Variants in ARID3B observed in about 807,000 individuals in gnomAD.
ARID3B encodes AT-rich interaction domain 3B, also known as AT-rich interactive domain-containing protein 3B.
In ARID3B, 10 loss-of-function variants were observed where a neutral mutation model predicts 51.9. The ratio of observed to expected loss-of-function variants is 0.19; its 90% CI spans 0.12 to 0.33. The LOEUF is 0.33. ARID3B is among the 10% of genes least tolerant of loss of function. The pLI is 1.00. For synonymous variants in ARID3B, 205 were observed against 279.5 expected (o/e 0.73, Z 2.66); for missense variants, 483 against 716.3 (o/e 0.67, Z 3.72).
chr15:74,556,290 G>A (rs367994772), intron 2 of ARID3B, among the ~76,000 whole-genome samples: 9 of 152,306 alleles, frequency 5.9e-5, no homozygotes, highest in African/African-American at 2.2e-4. Context: ...GGAACAGCTA[G>A]GGTGGTTGGT....
intron 2 of ARID3B, among the ~76,000 whole-genome samples, chr15:74,560,957 T>C (rs1254034232): frequency 6.6e-6 from 1 of 152,204 alleles, no homozygotes; most frequent in Non-Finnish European, 1.5e-5. Flanking sequence ...TTGTCAACAT[T>C]GGTTATTATC....
At chr15:74,562,324 A>G (rs183224817) in intron 2 of ARID3B, among the ~76,000 whole-genome samples, 2 of 152,170 alleles carry the variant, frequency 1.3e-5, no homozygotes, top group Admixed American at 1.3e-4. Context: ...TATTTTTAGT[A>G]GAGACTGGGT....
At chr15:74,552,529 G>T (rs1313330575) in intron 2 of ARID3B, among the ~76,000 whole-genome samples, 1 of 151,120 alleles carries the variant, frequency 6.6e-6, no homozygotes, top group Admixed American at 6.6e-5. Flanking sequence ...GTAATGACAT[G>T]TATCCGCCAT....
At chr15:74,548,224 G>A (rs1357910007) in intron 2 of ARID3B, among the ~76,000 whole-genome samples, 1 of 152,164 alleles carries the variant, frequency 6.6e-6, no homozygotes, top group Admixed American at 6.5e-5. Flanking sequence ...GGCCTTTTGG[G>A]GGTGGTGTTC....
chr15:74,544,365 A>T lies in ARID3B; in HGVS notation c.429A>T (p.Ala143=), dbSNP rs1397981332. ...RVAPMSNLLP[A]PGLPPHGQQA... ...CACCCATGTCCAATCTACTTCCAGC[A>T]CCAGGGCTCCCACCACATGGACAAC... The change falls in exon 2 of 9, where the codon GCA becomes GCT. Residue 143 remains alanine, a synonymous_variant. Transcript: ENST00000346246. The T allele has an allele frequency of 2.6e-5, 42 of 1,612,980 alleles. No individual in the cohort carries two copies. The highest frequency in any genetic ancestry group is 3.4e-5 in the Non-Finnish European group (40 of 1,179,436).
intron 4 of ARID3B, among the ~76,000 whole-genome samples, chr15:74,581,502 G>A (rs756211031): frequency 2.0e-5 from 3 of 152,096 alleles, no homozygotes; most frequent in Non-Finnish European, 4.4e-5. Context: ...AGGCTTTGGG[G>A]CTTCATTTTC....
intron 2 of ARID3B, among the ~76,000 whole-genome samples, chr15:74,554,155 T>C (rs537198889): frequency 2.8e-4 from 43 of 151,184 alleles, no homozygotes; most frequent in Non-Finnish European, 4.3e-4. Context: ...TACAGGCGCC[T>C]GCCACAACGC....
intron 1 of ARID3B, among the ~76,000 whole-genome samples, chr15:74,542,054 C>T (rs1245345339): frequency 6.6e-6 from 1 of 152,108 alleles, no homozygotes; most frequent in Non-Finnish European, 1.5e-5. Flanking sequence ...GGGACACCTC[C>T]CCCTCTGCTG....
intron 2 of ARID3B, among the ~76,000 whole-genome samples, chr15:74,553,505 A>G (rs1446673730): frequency 2.0e-5 from 3 of 152,202 alleles, no homozygotes; most frequent in African/African-American, 7.2e-5. Flanking sequence ...TTATAATTTC[A>G]GTTTTAATTG....
intron 2 of ARID3B, among the ~76,000 whole-genome samples, chr15:74,563,660 A>G (rs902354726): frequency 6.6e-6 from 1 of 152,092 alleles, no homozygotes; most frequent in African/African-American, 2.4e-5. Flanking sequence ...GTCAGCAACC[A>G]TTGTGGAAGT....
chr15:74,591,581 C>T lies in ARID3B; in HGVS notation c.1187C>T (p.Thr396Ile). ...GCAGGTGATGGAGCCCCAGTGACAA[C>T]AGTGCCTGTGCCAAATCGTCTGGCT... ...LRKGDGAPVT[T>I]VPVPNRLAVP... The change falls in exon 7 of 9, where the codon ACA becomes ATA. Residue 396 changes from threonine to isoleucine, a missense_variant. Thr to Ile is a moderately conservative substitution (Grantham distance 89). Around this residue, in one of 3 missense-constraint regions of ARID3B, gnomAD observed 265 missense variants for 354.4 expected, o/e 0.75. Transcript: ENST00000346246. The surrounding 1 kb of genome is among the most constrained non-coding windows in gnomAD (Gnocchi z 5.8). 6.2e-7 allele frequency: 1 copy of T among 1,611,454 alleles called. No homozygotes were observed. Among genetic ancestry groups the T allele is most frequent in the Non-Finnish European group, 8.5e-7 (1 of 1,178,528 alleles).
At chr15:74,557,028 G>A (rs1045737363) in intron 2 of ARID3B, among the ~76,000 whole-genome samples, 1 of 151,882 alleles carries the variant, frequency 6.6e-6, no homozygotes, top group Non-Finnish European at 1.5e-5. Flanking sequence ...ACCCGCTTCG[G>A]CCTCCCAAAG....
intron 4 of ARID3B, among the ~76,000 whole-genome samples, chr15:74,577,880 C>A (rs2061743780): frequency 6.6e-6 from 1 of 151,890 alleles, no homozygotes; most frequent in Non-Finnish European, 1.5e-5. Context: ...TGTCTTTGTT[C>A]CTTTTTTTGA....
chr15:74,579,994 C>T (rs1175241168), intron 4 of ARID3B, among the ~76,000 whole-genome samples: 1 of 152,128 alleles, frequency 6.6e-6, no homozygotes, highest in African/African-American at 2.4e-5. Flanking sequence ...GGTTTGAGAC[C>T]AGCCTGGCCA....
chr15:74,555,863 C>G (rs1263942108), intron 2 of ARID3B, among the ~76,000 whole-genome samples: 1 of 149,062 alleles, frequency 6.7e-6, no homozygotes, highest in Non-Finnish European at 1.5e-5. Context: ...ACAATCTCCG[C>G]TCACTGCAAG....
intron 5 of ARID3B, among the ~76,000 whole-genome samples, chr15:74,590,942 A>G (rs551184563): frequency 5.3e-5 from 8 of 152,362 alleles, no homozygotes; most frequent in Non-Finnish European, 1.2e-4. Flanking sequence ...GCTTCAAAGT[A>G]GAGCCTATTT....
Position 74,597,622 on chromosome 15 carries a change from C to T in ARID3B, c.*1848C>T, listed in dbSNP as rs1309335086. 3.7e-6 allele frequency: 2 copies of T among 534,240 alleles called. No homozygotes were observed. The highest frequency in any genetic ancestry group is 7.2e-6 in the Non-Finnish European group (2 of 276,406). 33.1% of individuals were successfully genotyped at this position (534,240 alleles called of 1,614,324 possible). On this transcript the variant is annotated 3_prime_UTR_variant, in exon 9 of 9. Transcript: ENST00000346246. The stretch of plus-strand genomic sequence containing the variant: ...TGGGACGTGGTGCCAGTGAGGAGCC[C>T]AGTTGGCTGGCACTGGGCCCATTTG...
At chr15:74,555,077 T>C (rs2141451013) in intron 2 of ARID3B, among the ~76,000 whole-genome samples, 1 of 152,334 alleles carries the variant, frequency 6.6e-6, no homozygotes, top group South Asian at 2.1e-4. Context: ...ACATAATATG[T>C]ATGAAAACAA....
At chr15:74,555,862 G>A (rs902472431) in intron 2 of ARID3B, among the ~76,000 whole-genome samples, 2 of 126,932 alleles carry the variant, frequency 1.6e-5, no homozygotes, top group Non-Finnish European at 3.1e-5. Context: ...CACAATCTCC[G>A]CTCACTGCAA....
Sources: gnomAD v4.1 joint callset for allele counts (sites outside exome capture counted in the v4.1 genomes callset) on GRCh38, gnomAD v4.1.1 for gene constraint, gnomAD v4.1.1 regional missense constraint, Gnocchi (gnomAD v3.1) non-coding constraint, MANE v1.5 for transcripts, NCBI Gene and HGNC (gene_info 2026-07-23, HGNC 2026-07-21) for gene names.